The following ASIC2 variants were observed in gnomAD, a reference collection of about 807,000 sequenced individuals.
ASIC2 encodes acid-sensing ion channel 2.
A neutral mutation model predicts 57.3 loss-of-function variants in ASIC2; 25 were observed. The ratio of observed to expected loss-of-function variants is 0.44; its 90% CI spans 0.32 to 0.61. ASIC2 has a LOEUF of 0.61. ASIC2 is among the 20% of genes least tolerant of loss of function. The pLI, the probability that ASIC2 is intolerant of heterozygous loss-of-function variation, is 0.06. For synonymous variants in ASIC2, 319 were observed against 307.5 expected (o/e 1.04, Z -0.39); for missense variants, 641 against 738.1 (o/e 0.87, Z 1.52).
chr17:33,818,580 G>C lies in ASIC2; in HGVS notation c.555+337398C>G, dbSNP rs60953916. On this transcript the variant is annotated intron_variant, in intron 1 of 9. Transcript: ENST00000359872. ...TAGCAATTTCCAGAGACACTTTTTG[G>C]CTGTCACAACTACTGTGGGTGGGGC... is the stretch of plus-strand genomic sequence containing the variant. Among the ~76,000 whole-genome samples the C allele has an allele frequency of 9.3e-4, 141 of 152,236 alleles. 2 individuals carry two copies. The highest frequency in any genetic ancestry group is 3.3e-3 in the African/African-American group (138 of 41,550).
At chr17:33,515,760 G>C (rs571910906) in intron 1 of ASIC2, among the ~76,000 whole-genome samples, 19 of 152,132 alleles carry the variant, frequency 1.2e-4, no homozygotes, top group Non-Finnish European at 2.5e-4. Context: ...GCCCACTCTC[G>C]GACTTGGCTT....
At chr17:33,112,120 G>T (rs1597583406) in intron 1 of ASIC2, 53 bp from the exon 2 acceptor site, 1 of 1,542,960 alleles carries the variant, frequency 6.5e-7, no homozygotes, top group East Asian at 2.4e-5. Context: ...CTTCAGACGG[G>T]GGTCCAGAGA....
intron 1 of ASIC2, among the ~76,000 whole-genome samples, chr17:33,625,610 C>T (rs192124729): frequency 4.6e-5 from 7 of 152,346 alleles, no homozygotes; most frequent in Non-Finnish European, 5.9e-5. Flanking sequence ...GAGATTAAAA[C>T]ATGGACCTAT....
At chr17:33,658,005 C>T (rs188271738) in intron 1 of ASIC2, among the ~76,000 whole-genome samples, 2 of 152,296 alleles carry the variant, frequency 1.3e-5, no homozygotes, top group East Asian at 3.9e-4. Context: ...CTGCCTACTA[C>T]AATAAGCCAG....
intron 1 of ASIC2, among the ~76,000 whole-genome samples, chr17:33,894,704 G>A (rs781358948): frequency 4.6e-5 from 7 of 152,144 alleles, no homozygotes; most frequent in East Asian, 3.9e-4. Context: ...GCAAGTGAAC[G>A]TGTGAGAGAA....
chr17:33,978,718 G>C (rs1905487326), intron 1 of ASIC2, among the ~76,000 whole-genome samples: 1 of 152,162 alleles, frequency 6.6e-6, no homozygotes, highest in Admixed American at 6.5e-5. Context: ...CTCTGTGCTA[G>C]GCCTACTGTC....
intron 3 of ASIC2, among the ~76,000 whole-genome samples, chr17:33,071,385 T>A (rs1230163821): frequency 6.6e-6 from 1 of 152,248 alleles, no homozygotes; most frequent in Non-Finnish European, 1.5e-5. Context: ...AGTGTATTTT[T>A]AAAATCAAAG....
chr17:33,799,919 G>T (rs1597881293), intron 1 of ASIC2, among the ~76,000 whole-genome samples: 1 of 152,150 alleles, frequency 6.6e-6, no homozygotes, highest in African/African-American at 2.4e-5. Flanking sequence ...GCCATGCTTT[G>T]GTTGTACTAA....
intron 1 of ASIC2, among the ~76,000 whole-genome samples, chr17:33,251,687 G>A (rs1346167466): frequency 6.6e-6 from 1 of 152,152 alleles, no homozygotes; most frequent in Admixed American, 6.5e-5. Context: ...GAAGGTGCAA[G>A]TACCAATTTT....
chr17:33,215,584 C>A (rs1292180712), intron 1 of ASIC2, among the ~76,000 whole-genome samples: 1 of 152,020 alleles, frequency 6.6e-6, no homozygotes, highest in Non-Finnish European at 1.5e-5. Context: ...AAACATTAAG[C>A]CTAGACAGAG....
chr17:33,658,518 G>A (rs755789270), intron 1 of ASIC2, among the ~76,000 whole-genome samples: 5 of 152,192 alleles, frequency 3.3e-5, no homozygotes, highest in Admixed American at 1.3e-4. Flanking sequence ...GAAATTTAGT[G>A]CTCACAGTTC....
At position 33,489,255 on chromosome 17, in the gene ASIC2, T is replaced by C. The variant is rs141440784; in HGVS notation, c.556-377188A>G. 4.1e-4 allele frequency among the ~76,000 whole-genome samples: 63 copies of C among 152,306 alleles called. 1 individual carries two copies. Among genetic ancestry groups the C allele is most frequent in the African/African-American group, 1.5e-3 (62 of 41,562 alleles). ...GCTTCCTCTGAGCCAGACACTGTGC[T>C]GAGAGTTTTACACACATGGTCTTAC... On this transcript the variant is annotated intron_variant, in intron 1 of 9. Transcript: ENST00000359872.
intron 1 of ASIC2, among the ~76,000 whole-genome samples, chr17:33,370,984 G>T (rs1018454875): frequency 2.0e-5 from 3 of 152,112 alleles, no homozygotes; most frequent in Non-Finnish European, 4.4e-5. Context: ...AGTAAGAGGA[G>T]GAACACGCCC....
chr17:33,638,815 A>G (rs1011332295), intron 1 of ASIC2, among the ~76,000 whole-genome samples: 1 of 151,974 alleles, frequency 6.6e-6, no homozygotes. Context: ...AAACTACCAG[A>G]GGATTAGTAT....
At chr17:34,062,911 C>T (rs557486944) in intron 1 of ASIC2, among the ~76,000 whole-genome samples, 15 of 152,092 alleles carry the variant, frequency 9.9e-5, no homozygotes, top group South Asian at 2.1e-4. Context: ...CAGTACCAGA[C>T]GAATTCACAA....
intron 1 of ASIC2, among the ~76,000 whole-genome samples, chr17:33,141,113 C>T (rs2092386025): frequency 6.6e-6 from 1 of 152,238 alleles, no homozygotes; most frequent in Non-Finnish European, 1.5e-5. Flanking sequence ...GTGTCTCTCG[C>T]ATCAGAGAGT....
chr17:33,022,358 A>G (rs1442393798), intron 6 of ASIC2, among the ~76,000 whole-genome samples: 1 of 152,212 alleles, frequency 6.6e-6, no homozygotes, highest in Non-Finnish European at 1.5e-5. Context: ...ACATGTGGCT[A>G]GCAGCTACCC....
chr17:34,093,395 T>C (rs1910404602), intron 1 of ASIC2, among the ~76,000 whole-genome samples: 1 of 152,232 alleles, frequency 6.6e-6, no homozygotes, highest in South Asian at 2.1e-4. Flanking sequence ...TTCATATTTC[T>C]GTCCTCCAGC....
intron 1 of ASIC2, among the ~76,000 whole-genome samples, chr17:33,312,715 A>G (rs186072829): frequency 2.6e-5 from 4 of 152,316 alleles, no homozygotes; most frequent in Admixed American, 6.5e-5. Context: ...CAGGTGGCTT[A>G]CCTGAGGTCG....
Sources: gnomAD v4.1 joint callset for allele counts (sites outside exome capture counted in the v4.1 genomes callset) on GRCh38, gnomAD v4.1.1 for gene constraint, MANE v1.5 for transcripts, NCBI Gene and HGNC (gene_info 2026-07-23, HGNC 2026-07-21) for gene names.